SLC2A13: variants seen among roughly 807,000 people sequenced by gnomAD.
SLC2A13 encodes proton myo-inositol cotransporter.
In SLC2A13, 32 loss-of-function variants were observed where a neutral mutation model predicts 64.4. That is an observed-to-expected ratio of 0.50 (90% confidence interval 0.37 to 0.67). The LOEUF is 0.67. SLC2A13 is among the 30% of genes least tolerant of loss of function. SLC2A13 has a pLI of 0.00. For missense variants in SLC2A13, 743 were observed against 829.2 expected (o/e 0.90, Z 1.28); for synonymous variants, 338 against 327.1 (o/e 1.03, Z -0.36).
rs76560570 is a variant in SLC2A13 at position 40,051,296 on chromosome 12, G to A, written c.557-3086C>T. On this transcript the variant is annotated intron_variant, in intron 1 of 9. Transcript: ENST00000280871. The stretch of plus-strand genomic sequence containing the variant: ...CTTAAATCTTTATATGAAATGACAC[G>A]GGGTTTTCTGAGAGATAAATAGAAA... Among the ~76,000 whole-genome samples the A allele has an allele frequency of 7.4e-3, 1,120 of 152,250 alleles. 11 individuals carry two copies. Among genetic ancestry groups the A allele is most frequent in the African/African-American group, 0.025 (1,038 of 41,532 alleles).
intron 4 of SLC2A13, among the ~76,000 whole-genome samples, chr12:39,945,916 G>GC (rs1364139563): frequency 1.3e-5 from 2 of 151,726 alleles, no homozygotes; most frequent in East Asian, 1.9e-4. Context: ...TTTTGTGGGG[G>GC]GGTGTTGAAG....
intron 7 of SLC2A13, among the ~76,000 whole-genome samples, chr12:39,824,475 C>T (rs912850435): frequency 6.6e-6 from 1 of 152,212 alleles, no homozygotes; most frequent in African/African-American, 2.4e-5. Flanking sequence ...GATTCTTCCC[C>T]TTTCTTATAC....
intron 2 of SLC2A13, among the ~76,000 whole-genome samples, chr12:40,032,508 G>T (rs1305910208): frequency 6.6e-6 from 1 of 152,178 alleles, no homozygotes; most frequent in Non-Finnish European, 1.5e-5. Flanking sequence ...ACTTCCAAAA[G>T]ACAAGGTTAG....
At chr12:39,890,030 A>G (rs951764053) in intron 4 of SLC2A13, among the ~76,000 whole-genome samples, 5 of 152,204 alleles carry the variant, frequency 3.3e-5, no homozygotes, top group African/African-American at 1.2e-4. Flanking sequence ...AAGTAGCAAG[A>G]AAATTACTAC....
intron 1 of SLC2A13, among the ~76,000 whole-genome samples, chr12:40,081,012 C>T (rs1938377173): frequency 1.3e-5 from 2 of 152,008 alleles, no homozygotes; most frequent in Non-Finnish European, 2.9e-5. Flanking sequence ...TTCTTTAAGG[C>T]TGCTGAATAT....
intron 4 of SLC2A13, among the ~76,000 whole-genome samples, chr12:39,918,316 G>A (rs920849738): frequency 2.0e-5 from 3 of 151,662 alleles, no homozygotes; most frequent in Non-Finnish European, 4.4e-5. Context: ...TTTTTGGGGG[G>A]TGGTGAACTA....
chr12:39,865,877 G>A (rs7133478), intron 5 of SLC2A13, among the ~76,000 whole-genome samples: 94,491 of 152,044 alleles, frequency 0.62, 29,660 homozygotes, highest in East Asian at 0.76. Flanking sequence ...GGATTACTTG[G>A]GGGTAGAGGG....
At chr12:39,817,088 C>T (rs1942361255) in intron 7 of SLC2A13, among the ~76,000 whole-genome samples, 1 of 151,874 alleles carries the variant, frequency 6.6e-6, no homozygotes, top group African/African-American at 2.4e-5. Flanking sequence ...CTTTTCATAA[C>T]AGCAAAAACA....
intron 3 of SLC2A13, among the ~76,000 whole-genome samples, chr12:39,978,744 G>A (rs1478596972): frequency 2.6e-5 from 4 of 152,204 alleles, no homozygotes; most frequent in African/African-American, 9.7e-5. Context: ...CAAGGCTGGG[G>A]GAGAGGCGCC....
At position 40,083,380 on chromosome 12, in the gene SLC2A13, C is replaced by T. The variant is rs570582079; in HGVS notation, c.556+21873G>A. On this transcript the variant is annotated intron_variant, in intron 1 of 9. Coordinates refer to ENST00000280871, the MANE Select transcript of SLC2A13 (RefSeq NM_052885.4). ...TAATCCCTTACACTGTTTTTCAGTT[C>T]CACATAATTGGGACTGTCCTTGCAG... 2.0e-3 allele frequency among the ~76,000 whole-genome samples: 301 copies of T among 152,232 alleles called. 14 individuals are homozygous for T. In the South Asian group the frequency reaches 0.06, roughly 31 times the overall value.
intron 7 of SLC2A13, among the ~76,000 whole-genome samples, chr12:39,812,106 G>C (rs1269047396): frequency 6.6e-6 from 1 of 152,122 alleles, no homozygotes; most frequent in African/African-American, 2.4e-5. Context: ...GGGTTTTGGA[G>C]GCTGGGAAGT....
intron 3 of SLC2A13, among the ~76,000 whole-genome samples, chr12:39,984,026 G>A (rs1427992583): frequency 6.6e-6 from 1 of 151,916 alleles, no homozygotes; most frequent in Non-Finnish European, 1.5e-5. Context: ...CATGTCCTTT[G>A]TAGGGACATG....
chr12:40,104,514 T>C (rs1213904522), intron 1 of SLC2A13, among the ~76,000 whole-genome samples: 2 of 152,116 alleles, frequency 1.3e-5, no homozygotes, highest in East Asian at 3.9e-4. Context: ...GAAGTGAATA[T>C]GACCTTTAAT....
intron 6 of SLC2A13, among the ~76,000 whole-genome samples, chr12:39,862,130 T>C (rs2135920642): frequency 6.6e-6 from 1 of 152,274 alleles, no homozygotes; most frequent in African/African-American, 2.4e-5. Context: ...ATACATTCAG[T>C]CCAGAGAATT....
At chr12:39,845,416 CATATT>C (rs1457876197) in intron 6 of SLC2A13, among the ~76,000 whole-genome samples, 2 of 152,074 alleles carry the variant, frequency 1.3e-5, no homozygotes, top group African/African-American at 2.4e-5. Flanking sequence ...TTAGGCTTAT[CATATT>C]ATAAGTGTTT....
At chr12:39,837,660 C>T (rs1373021913) in intron 6 of SLC2A13, among the ~76,000 whole-genome samples, 1 of 151,194 alleles carries the variant, frequency 6.6e-6, no homozygotes. Context: ...AACAAACAAC[C>T]CCATCAAAAA....
chr12:39,821,421 ATT>A (rs1019130534), intron 7 of SLC2A13, among the ~76,000 whole-genome samples: 1 of 151,468 alleles, frequency 6.6e-6, no homozygotes, highest in African/African-American at 2.4e-5. Context: ...AAAAAAAAAA[ATT>A]TTTTTTTGTG....
rs1565528672 is a variant in SLC2A13, at chr12:39,896,484, A to ATATATGTATACATATATGTATATGTGTG, written c.1035-24524_1035-24523insCACACATATACATATATGTATACATATA. ...TATGTATACATATATGTATATGTGT[A>ATATATGTATACATATATGTATATGTGTG]TATATGTACACATATATGTATGTAC... On this transcript the variant is annotated intron_variant, in intron 4 of 9. Transcript: ENST00000280871. Among the ~76,000 whole-genome samples the ATATATGTATACATATATGTATATGTGTG allele has an allele frequency of 2.2e-3, 305 of 140,648 alleles. 14 individuals are homozygous for ATATATGTATACATATATGTATATGTGTG. The highest frequency in any genetic ancestry group is 8.2e-3 in the Middle Eastern group (1 of 122). 92.3% of individuals were successfully genotyped at this position (140,648 alleles called of 152,430 possible).
intron 4 of SLC2A13, among the ~76,000 whole-genome samples, chr12:39,943,914 C>A (rs1946087554): frequency 6.6e-6 from 1 of 152,190 alleles, no homozygotes; most frequent in African/African-American, 2.4e-5. Context: ...GAGCTAGCTG[C>A]AGGAGTTTTT....
Sources: allele counts gnomAD v4.1 joint callset (sites outside exome capture counted in the v4.1 genomes callset), GRCh38; gene constraint gnomAD v4.1.1; transcripts MANE v1.5; gene names NCBI Gene and HGNC (gene_info 2026-07-23, HGNC 2026-07-21).